Variants in OR51B5 observed in about 807,000 individuals in gnomAD.
OR51B5 encodes the protein olfactory receptor family 51 subfamily B member 5.
For missense variants in OR51B5, 456 were observed against 374.6 expected (o/e 1.22, Z -1.79); for synonymous variants, 186 against 144.8 (o/e 1.28, Z -2.04).
chr11:5,404,673 C>A (rs915075093), intron 1 of OR51B5, among the ~76,000 whole-genome samples: 5 of 152,210 alleles, frequency 3.3e-5, no homozygotes, highest in Admixed American at 6.5e-5. Context: ...TTGCTCTTCA[C>A]AATAAATCTT....
chr11:5,457,944 C>T (rs928889485), intron 1 of OR51B5, among the ~76,000 whole-genome samples: 5 of 152,124 alleles, frequency 3.3e-5, no homozygotes, highest in African/African-American at 9.7e-5. Flanking sequence ...GCTTCTTTTG[C>T]TGTGCCAAAG....
chr11:5,399,961 C>T (rs1395319655), intron 1 of OR51B5, among the ~76,000 whole-genome samples: 1 of 151,986 alleles, frequency 6.6e-6, no homozygotes, highest in Non-Finnish European at 1.5e-5. Context: ...AGGCAGCACA[C>T]GGGAAGAACA....
upstream of OR51B5, among the ~76,000 whole-genome samples, chr11:5,347,548 C>T (rs952031877): frequency 2.0e-5 from 3 of 152,118 alleles, no homozygotes; most frequent in South Asian, 2.1e-4. Context: ...TTATTATATG[C>T]GTTTTACAGT....
At chr11:5,472,120 C>T (rs1851238114) in intron 1 of OR51B5, among the ~76,000 whole-genome samples, 1 of 152,154 alleles carries the variant, frequency 6.6e-6, no homozygotes, top group Admixed American at 6.5e-5. Flanking sequence ...TCAGAAGATG[C>T]ACCTCTGAGC....
intron 1 of OR51B5, chr11:5,389,272 A>C: frequency 4.5e-6 from 4 of 898,740 alleles, no homozygotes; most frequent in Non-Finnish European, 5.2e-6. Flanking sequence ...CAGAATTCAT[A>C]AGGGTGGAGT....
intron 1 of OR51B5, among the ~76,000 whole-genome samples, chr11:5,399,856 T>C (rs1849941275): frequency 6.6e-6 from 1 of 151,784 alleles, no homozygotes; most frequent in African/African-American, 2.4e-5. Flanking sequence ...GAGACTCTAG[T>C]TTCAAGTATC....
chr11:5,363,732 G>A (rs185790717), intron 1 of OR51B5, among the ~76,000 whole-genome samples: 1 of 152,144 alleles, frequency 6.6e-6, no homozygotes, highest in East Asian at 1.9e-4. Context: ...CCATCATTCT[G>A]TTATTGGAAA....
intron 1 of OR51B5, among the ~76,000 whole-genome samples, chr11:5,379,501 G>T (rs1849578588): frequency 6.6e-6 from 1 of 151,482 alleles, no homozygotes; most frequent in African/African-American, 2.4e-5. Context: ...AAAAAATAAA[G>T]TTCCAGTTTA....
At chr11:5,455,283 T>C (rs992216260) in intron 1 of OR51B5, 3 of 151,976 alleles carry the variant, frequency 2.0e-5, no homozygotes, top group Non-Finnish European at 4.4e-5. Flanking sequence ...CTTCTTGAGA[T>C]TTTAACTGTC....
At chr11:5,498,955 C>T (rs139017780) in intron 1 of OR51B5, among the ~76,000 whole-genome samples, 38 of 152,330 alleles carry the variant, frequency 2.5e-4, no homozygotes, top group African/African-American at 8.7e-4. Flanking sequence ...GGCATGTACT[C>T]TCCTGGGATG....
chr11:5,496,162 C>T (rs866394397), intron 1 of OR51B5, among the ~76,000 whole-genome samples: 6 of 152,136 alleles, frequency 3.9e-5, no homozygotes, highest in Non-Finnish European at 7.4e-5. Context: ...CGTTGACTCT[C>T]AATGGAGGTA....
chr11:5,352,009 C>A (rs780108031), intron 1 of OR51B5: 1 of 1,613,600 alleles, frequency 6.2e-7, no homozygotes, highest in Non-Finnish European at 8.5e-7. Flanking sequence ...TCCCTACTGT[C>A]GATCCCATGT....
Position 5,390,181 on chromosome 11 carries a change from A to G in OR51B5, n.85-43271T>C, listed in dbSNP as rs746269657. The stretch of plus-strand genomic sequence containing the variant: ...GCACCGCTCCTCTCTGTGCTGTGCT[A>G]GTATTCTTTGTGCCCATGATGGGGC... On this transcript the variant is annotated intron_variant and non_coding_transcript_variant, in intron 1 of 4. Coordinates refer to the OR51B5 transcript ENST00000415970. The G allele has an allele frequency of 3.1e-6, 5 of 1,613,934 alleles. No individual in the cohort carries two copies. The South Asian group carries it at 5.5e-5, about 18-fold the overall frequency.
At chr11:5,504,329 G>C (rs527669369) in intron 1 of OR51B5, among the ~76,000 whole-genome samples, 176 of 152,202 alleles carry the variant, frequency 1.2e-3, no homozygotes, top group Non-Finnish European at 2.0e-3. Context: ...ACTTTAACAC[G>C]GCTTGTTTTT....
chr11:5,469,740 T>G (rs1350638710), intron 1 of OR51B5, among the ~76,000 whole-genome samples: 1 of 152,196 alleles, frequency 6.6e-6, no homozygotes, highest in Non-Finnish European at 1.5e-5. Context: ...TCTCTAATGG[T>G]GAAAAATGAT....
intron 1 of OR51B5, among the ~76,000 whole-genome samples, chr11:5,493,953 A>G (rs1430400771): frequency 6.6e-6 from 1 of 152,222 alleles, no homozygotes; most frequent in Non-Finnish European, 1.5e-5. Context: ...TTTAACCAGT[A>G]TATCTAGGAT....
At chr11:5,436,736 G>C (rs1850601078) in intron 1 of OR51B5, among the ~76,000 whole-genome samples, 1 of 152,156 alleles carries the variant, frequency 6.6e-6, no homozygotes, top group South Asian at 2.1e-4. Context: ...AAGATACAGA[G>C]GCATGATGAG....
Position 5,440,179 on chromosome 11 carries a change from T to C in OR51B5, n.84+65390A>G, listed in dbSNP as rs192633176. On this transcript the variant is annotated intron_variant and non_coding_transcript_variant, in intron 1 of 4. Coordinates refer to the OR51B5 transcript ENST00000415970. ...CATATATTTTGTCTCTCTTTAATATTTATTATCTCCTTCACTCTGGGCAGG... is the reference window on the plus strand; with the variant it reads ...CATATATTTTGTCTCTCTTTAATATCTATTATCTCCTTCACTCTGGGCAGG... 2.1e-3 allele frequency among the ~76,000 whole-genome samples: 322 copies of C among 152,334 alleles called. 1 individual carries two copies. Among genetic ancestry groups the C allele is most frequent in the African/African-American group, 7.5e-3 (311 of 41,576 alleles).
intron 1 of OR51B5, chr11:5,505,371 G>C (rs563761877): frequency 3.8e-6 from 5 of 1,304,094 alleles, no homozygotes; most frequent in Non-Finnish European, 4.0e-6. Context: ...GAAGAAAATG[G>C]AGAGGCAAGA....
Sources: allele counts gnomAD v4.1 joint callset (sites outside exome capture counted in the v4.1 genomes callset), GRCh38; gene constraint gnomAD v4.1.1; transcripts MANE v1.5; gene names NCBI Gene and HGNC (gene_info 2026-07-23, HGNC 2026-07-21).